The following STARD3NL variants were observed in gnomAD, a reference collection of about 807,000 sequenced individuals.
STARD3NL encodes the protein STARD3 N-terminal like.
In STARD3NL, 17 loss-of-function variants were observed where a neutral mutation model predicts 30.9. The observed-to-expected ratio is 0.55, with a 90% CI of 0.38 to 0.82. The LOEUF is 0.82. Ranked by LOEUF, STARD3NL falls within the 40% of genes least tolerant of loss-of-function variation. The pLI, the probability that STARD3NL is intolerant of heterozygous loss-of-function variation, is 0.00. For missense variants in STARD3NL, 234 were observed against 277.6 expected, an observed-to-expected ratio of 0.84 and a Z score of 1.12; for synonymous variants, 112 against 100.5, an observed-to-expected ratio of 1.11 and a Z score of -0.69.
chr7:38,194,107 G>A (rs896325053), intron 1 of STARD3NL, among the ~76,000 whole-genome samples: 1 of 151,912 alleles, frequency 6.6e-6, no homozygotes, highest in African/African-American at 2.4e-5. Flanking sequence ...CAGGTCATTT[G>A]CTGCTTCTTA....
At chr7:38,193,486 G>C (rs1441523939) in intron 1 of STARD3NL, among the ~76,000 whole-genome samples, 1 of 152,138 alleles carries the variant, frequency 6.6e-6, no homozygotes, top group Non-Finnish European at 1.5e-5. Flanking sequence ...TTTTAGTAGA[G>C]ACGGGGTTTC....
In STARD3NL at chr7:38,199,963, G is replaced by A. The variant is rs552573599; in HGVS notation, c.-58-7484G>A. Among the ~76,000 whole-genome samples, 10 of 152,256 alleles carry A rather than the reference G, an allele frequency of 6.6e-5. 1 individual carries two copies. The highest frequency in any genetic ancestry group is 1.2e-4 in the African/African-American group (5 of 41,536). On this transcript the variant is annotated intron_variant, in intron 1 of 8. Transcript: ENST00000009041. Reference sequence around the variant, plus strand: ...CATTGCCTCAAGAACCTGCAGCCACGGGCTTTGCTGGGCAGGCAGCTCTAA... The same window carrying A: ...CATTGCCTCAAGAACCTGCAGCCACAGGCTTTGCTGGGCAGGCAGCTCTAA...
At chr7:38,196,320 A>G (rs1784895759) in intron 1 of STARD3NL, among the ~76,000 whole-genome samples, 1 of 152,090 alleles carries the variant, frequency 6.6e-6, no homozygotes, top group Admixed American at 6.5e-5. Context: ...TGATGGGCAC[A>G]TTCCCTCTTC....
intron 1 of STARD3NL, among the ~76,000 whole-genome samples, chr7:38,202,742 G>C (rs1299285698): frequency 1.8e-5 from 2 of 114,204 alleles, no homozygotes; most frequent in Non-Finnish European, 3.3e-5. Flanking sequence ...CCCCACAACA[G>C]GCCCTGGTGT....
chr7:38,198,639 A>G (rs1282799828), intron 1 of STARD3NL, among the ~76,000 whole-genome samples: 1 of 152,318 alleles, frequency 6.6e-6, no homozygotes, highest in East Asian at 1.9e-4. Flanking sequence ...CTGCTGCCAT[A>G]AGTAGTGCTG....
At chr7:38,224,425 T>C (rs962818697) in intron 7 of STARD3NL, among the ~76,000 whole-genome samples, 1 of 152,244 alleles carries the variant, frequency 6.6e-6, no homozygotes, top group Non-Finnish European at 1.5e-5. Context: ...CCTCCAATAA[T>C]GTACAGTAGT....
chr7:38,228,540 C>G (rs988173178), intron 7 of STARD3NL, among the ~76,000 whole-genome samples: 2 of 152,204 alleles, frequency 1.3e-5, no homozygotes, highest in African/African-American at 4.8e-5. Flanking sequence ...AGTTATTGGT[C>G]TGCATGAATA....
In STARD3NL at chr7:38,230,532, T is replaced by C. The variant is rs539776293; in HGVS notation, c.*627T>C. The C allele has an allele frequency of 3.3e-4, 51 of 152,382 alleles. No individual in the cohort carries two copies. Among genetic ancestry groups the C allele is most frequent in the African/African-American group, 1.2e-3 (51 of 41,582 alleles). The allele number at this position is 152,382 out of a possible 1,614,324, so 9.4% of individuals were successfully genotyped here. A position where few individuals can be genotyped will look rare whatever the true frequency, so the allele number is the denominator to read the frequency against. On this transcript the variant is annotated 3_prime_UTR_variant, in exon 9 of 9. Transcript: ENST00000009041. ...ATGTCACCAGACATTTGTATTATTT[T>C]TATCATGAAATCATGTTTTTCTCTG... is the stretch of plus-strand genomic sequence containing the variant.
intron 1 of STARD3NL, chr7:38,202,316 T>G (rs1382033536): frequency 6.6e-6 from 1 of 152,200 alleles, no homozygotes; most frequent in African/African-American, 2.4e-5. Flanking sequence ...AGGAAACAAA[T>G]TGAATGACAG....
intron 1 of STARD3NL, among the ~76,000 whole-genome samples, chr7:38,189,680 G>A (rs1163948158): frequency 6.6e-6 from 1 of 152,176 alleles, no homozygotes; most frequent in Non-Finnish European, 1.5e-5. Context: ...AGTGACATTG[G>A]CTCAAAATGC....
intron 4 of STARD3NL, 82 bp downstream of exon 4, chr7:38,215,187 A>C: frequency 7.4e-7 from 1 of 1,347,912 alleles, no homozygotes; most frequent in South Asian, 1.2e-5. Flanking sequence ...GGCTGGGAGA[A>C]GATACAGTTC....
intron 6 of STARD3NL, 116 bp from the exon 7 acceptor site, chr7:38,219,449 T>C: frequency 1.6e-6 from 1 of 644,068 alleles, no homozygotes; most frequent in East Asian, 2.8e-5. Flanking sequence ...TTAAAGTACC[T>C]CTTTTTCTAA....
intron 2 of STARD3NL, among the ~76,000 whole-genome samples, chr7:38,210,872 G>A (rs1177437458): frequency 6.6e-6 from 1 of 152,134 alleles, no homozygotes; most frequent in Non-Finnish European, 1.5e-5. Flanking sequence ...TGTCATAACA[G>A]TCCTAATTTG....
At chr7:38,207,978 A>G (rs1348547440) in intron 2 of STARD3NL, among the ~76,000 whole-genome samples, 1 of 152,214 alleles carries the variant, frequency 6.6e-6, no homozygotes, top group Non-Finnish European at 1.5e-5. Context: ...TTTGCTCTGT[A>G]ACAGGAGTTG....
chr7:38,205,662 T>C (rs1424228362), intron 1 of STARD3NL, among the ~76,000 whole-genome samples: 1 of 152,198 alleles, frequency 6.6e-6, no homozygotes, highest in South Asian at 2.1e-4. Flanking sequence ...TGTGTATACA[T>C]GTATATACTA....
At chr7:38,197,582 C>T (rs1389349376) in intron 1 of STARD3NL, among the ~76,000 whole-genome samples, 3 of 152,146 alleles carry the variant, frequency 2.0e-5, no homozygotes, top group Admixed American at 2.0e-4. Context: ...CTCATGTAGG[C>T]AGACATTAAG....
At chr7:38,228,243 A>G (rs552762003) in intron 7 of STARD3NL, among the ~76,000 whole-genome samples, 1 of 152,344 alleles carries the variant, frequency 6.6e-6, no homozygotes, top group South Asian at 2.1e-4. Context: ...ATAATGAATA[A>G]TAAGCATTAT....
At chr7:38,221,134 G>C (rs1786438013) in intron 7 of STARD3NL, among the ~76,000 whole-genome samples, 2 of 152,176 alleles carry the variant, frequency 1.3e-5, no homozygotes, top group Non-Finnish European at 2.9e-5. Context: ...CAACAGCATA[G>C]ATGAACTGAA....
intron 1 of STARD3NL, among the ~76,000 whole-genome samples, chr7:38,185,007 C>G (rs180898196): frequency 7.8e-4 from 119 of 151,948 alleles, no homozygotes; most frequent in Admixed American, 2.9e-3. Context: ...GCCTCTGTAA[C>G]GTGCTCTGAG....
Sources: allele counts gnomAD v4.1 joint callset (sites outside exome capture counted in the v4.1 genomes callset), GRCh38; gene constraint gnomAD v4.1.1; transcripts MANE v1.5; gene names NCBI Gene and HGNC (gene_info 2026-07-23, HGNC 2026-07-21).